The following ZRANB1 variants were observed in gnomAD, a reference collection of about 807,000 sequenced individuals.
ZRANB1 encodes zinc finger RANBP2-type containing 1.
Under a neutral mutation model 80.5 loss-of-function variants are expected in ZRANB1, and 16 were observed. The ratio of observed to expected loss-of-function variants is 0.20; its 90% confidence interval spans 0.13 to 0.30. The LOEUF (loss-of-function observed/expected upper bound fraction) is 0.30, where lower values mean the gene tolerates loss of function less well. Among genes scored for constraint, ZRANB1 ranks in the 10% least tolerant of loss-of-function variants. The pLI is 1.00. For synonymous variants in ZRANB1, 291 were observed against 293.1 expected, an observed-to-expected ratio of 0.99 and a Z score of 0.07; for missense variants, 576 against 862.6, an observed-to-expected ratio of 0.67 and a Z score of 4.16.
chr10:124,961,484 T>C (rs1361073302), intron 1 of ZRANB1, among the ~76,000 whole-genome samples: 1 of 152,268 alleles, frequency 6.6e-6, no homozygotes, highest in East Asian at 1.9e-4. Flanking sequence ...AGTCCTGCCA[T>C]GTTGCTTTCA....
chr10:124,923,247 C>T, the ZRANB1 span, among the ~76,000 whole-genome samples: 1 of 150,654 alleles, frequency 6.6e-6, no homozygotes, highest in African/African-American at 2.4e-5. Flanking sequence ...AGCTACACTC[C>T]AGCCTGGGCG....
chr10:124,977,588 G>A (rs117484447), intron 5 of ZRANB1, among the ~76,000 whole-genome samples: 2 of 151,946 alleles, frequency 1.3e-5, no homozygotes, highest in East Asian at 3.9e-4. Context: ...GTGTGTGCCT[G>A]TAGTTCCAGC....
chr10:124,942,122 T>C, upstream of ZRANB1: 2 of 1,048,942 alleles, frequency 1.9e-6, no homozygotes, highest in Non-Finnish European at 2.3e-6. Context: ...TCTAAATTGA[T>C]GTGATGGCCT....
chr10:124,983,384 G>T lies in ZRANB1; in HGVS notation c.1679-75G>T. On this transcript the variant is annotated intron_variant, in intron 7 of 8. Coordinates refer to ENST00000359653, the MANE Select transcript of ZRANB1 (RefSeq NM_017580.3). The surrounding 1 kb of genome is among the most constrained non-coding windows in gnomAD (Gnocchi z 6.2). ...TGTCAGGAAGGAGCAGTGGACAGGGGAATGTGAACAAGGGCAGTGAGGGAG... is the reference window on the plus strand; with the variant it reads ...TGTCAGGAAGGAGCAGTGGACAGGGTAATGTGAACAAGGGCAGTGAGGGAG... 1 of 1,594,564 alleles carries T rather than the reference G, an allele frequency of 6.3e-7. No individual in the cohort carries two copies. Among genetic ancestry groups the T allele is most frequent in the Non-Finnish European group, 8.6e-7 (1 of 1,167,990 alleles).
intron 1 of ZRANB1, among the ~76,000 whole-genome samples, chr10:124,957,412 T>G (rs1951695625): frequency 6.6e-6 from 1 of 152,190 alleles, no homozygotes; most frequent in East Asian, 1.9e-4. Flanking sequence ...AAAATATACG[T>G]AAGATAAAAT....
At chr10:124,922,910 T>C in the ZRANB1 span, among the ~76,000 whole-genome samples, 8 of 152,174 alleles carry the variant, frequency 5.3e-5, no homozygotes, top group Non-Finnish European at 8.8e-5. Flanking sequence ...TAGTCCCAGC[T>C]ACATGGGAGG....
chr10:124,960,510 C>T (rs2134271505), intron 1 of ZRANB1, among the ~76,000 whole-genome samples: 1 of 152,294 alleles, frequency 6.6e-6, no homozygotes, highest in Middle Eastern at 3.4e-3. Flanking sequence ...TAGCTCATTG[C>T]AGCCTCGAAT....
chr10:124,955,883 G>A (rs1269865088), intron 1 of ZRANB1, among the ~76,000 whole-genome samples: 1 of 152,116 alleles, frequency 6.6e-6, no homozygotes, highest in African/African-American at 2.4e-5. Context: ...AAATGATGCT[G>A]GCCCGTTTGG....
chr10:124,936,994 G>A, the ZRANB1 span, among the ~76,000 whole-genome samples: 6 of 151,926 alleles, frequency 3.9e-5, no homozygotes, highest in South Asian at 2.1e-4. Context: ...TCGCCGGGCC[G>A]CCCGGGCTGG....
At position 124,987,384 on chromosome 10, in the gene ZRANB1, T is replaced by C. The variant is rs1035782573; in HGVS notation, c.*2392T>C. 6.6e-6 allele frequency: 1 copy of C among 151,870 alleles called. No individual in the cohort carries two copies. Among genetic ancestry groups the C allele is most frequent in the Non-Finnish European group, 1.5e-5 (1 of 67,972 alleles). 9.4% of individuals were successfully genotyped at this position (151,870 alleles called of 1,614,324 possible). On this transcript the variant is annotated 3_prime_UTR_variant, in exon 9 of 9. Coordinates refer to ENST00000359653, the MANE Select transcript of ZRANB1 (RefSeq NM_017580.3). The stretch of plus-strand genomic sequence containing the variant: ...AATTTATATATATATATATAAATTT[T>C]TGTTTGGGCGACCAAGATCTAATAA...
chr10:124,981,167 G>A (rs949599075), intron 5 of ZRANB1, among the ~76,000 whole-genome samples: 5 of 152,178 alleles, frequency 3.3e-5, no homozygotes, highest in Non-Finnish European at 7.3e-5. Context: ...TAAGCATAAA[G>A]AAGGAATGTT....
At chr10:124,955,234 T>G (rs537514632) in intron 1 of ZRANB1, among the ~76,000 whole-genome samples, 5 of 147,218 alleles carry the variant, frequency 3.4e-5, no homozygotes, top group East Asian at 2.0e-4. Flanking sequence ...TTTTTTTTTG[T>G]TTTTTTTTTG....
chr10:124,922,561 C>T, the ZRANB1 span, among the ~76,000 whole-genome samples: 2 of 150,462 alleles, frequency 1.3e-5, no homozygotes, highest in Admixed American at 6.7e-5. Context: ...GGCACGATCT[C>T]AGCTCACTGC....
the ZRANB1 span, among the ~76,000 whole-genome samples, chr10:124,921,157 G>C: frequency 1.3e-5 from 2 of 152,118 alleles, no homozygotes; most frequent in Non-Finnish European, 2.9e-5. Context: ...TGTTTCTCTG[G>C]TTTACTTCAG....
Position 124,974,197 on chromosome 10 carries a change from C to T in ZRANB1, c.1229-3C>T. 1.2e-6 allele frequency: 2 copies of T among 1,613,990 alleles called. No individual in the cohort carries two copies. The highest frequency in any genetic ancestry group is 2.2e-5 in the East Asian group (1 of 44,888). On this transcript the variant is annotated splice_polypyrimidine_tract_variant and splice_region_variant and intron_variant, in intron 4 of 8. Coordinates refer to ENST00000359653, the MANE Select transcript of ZRANB1 (RefSeq NM_017580.3). ...TGAACATGTATTTAAATCCATCGTA[C>T]AGAATTAGAAGAAGAATCTCCAATT...
the ZRANB1 span, among the ~76,000 whole-genome samples, chr10:124,924,418 C>G: frequency 6.6e-6 from 1 of 151,898 alleles, no homozygotes; most frequent in East Asian, 1.9e-4. Flanking sequence ...CATTACCAAC[C>G]ACTATATAAT....
chr10:124,983,373 A>C lies in ZRANB1; in HGVS notation c.1678+69A>C. 1 of 1,598,978 alleles carries C rather than the reference A, an allele frequency of 6.3e-7. No homozygotes were observed. The highest frequency in any genetic ancestry group is 8.5e-7 in the Non-Finnish European group (1 of 1,170,742). ...AATGGCTCAGATGTCAGGAAGGAGC[A>C]GTGGACAGGGGAATGTGAACAAGGG... is the stretch of plus-strand genomic sequence containing the variant. On this transcript the variant is annotated intron_variant, in intron 7 of 8. Coordinates refer to ENST00000359653, the MANE Select transcript of ZRANB1 (RefSeq NM_017580.3). The surrounding 1 kb of genome is among the most constrained non-coding windows in gnomAD (Gnocchi z 6.2).
rs538040721 is a variant in ZRANB1, at chr10:124,954,301, C to G, written c.814+10994C>G. On this transcript the variant is annotated intron_variant, in intron 1 of 8. Transcript: ENST00000359653. ...GTGCCTGGCCCCTTTTTTCTTAATACATTGTTTTACGTATGAATGGAGGCA... is the reference window on the plus strand; with the variant it reads ...GTGCCTGGCCCCTTTTTTCTTAATAGATTGTTTTACGTATGAATGGAGGCA... 3.3e-5 allele frequency among the ~76,000 whole-genome samples: 5 copies of G among 151,582 alleles called. No individual in the cohort carries two copies. In the East Asian group the frequency reaches 7.8e-4, roughly 24 times the overall value.
chr10:124,919,615 T>C, the ZRANB1 span, among the ~76,000 whole-genome samples: 137 of 145,214 alleles, frequency 9.4e-4, no homozygotes, highest in African/African-American at 2.7e-3. Context: ...TCCTCCTCCT[T>C]TTTTTTTTTT....
Sources: allele counts gnomAD v4.1 joint callset (sites outside exome capture counted in the v4.1 genomes callset), GRCh38; gene constraint gnomAD v4.1.1; non-coding constraint Gnocchi (gnomAD v3.1); transcripts MANE v1.5; gene names NCBI Gene and HGNC (gene_info 2026-07-23, HGNC 2026-07-21).